The following RYR3 variants were observed in gnomAD, a reference collection of about 807,000 sequenced individuals.
RYR3 encodes the protein ryanodine receptor 3.
Under a neutral mutation model 584.3 loss-of-function variants are expected in RYR3, and 207 were observed. The ratio of observed to expected loss-of-function variants is 0.35; its 90% confidence interval spans 0.32 to 0.40. The LOEUF is 0.40. Ranked by LOEUF, RYR3 falls within the 10% of genes least tolerant of loss-of-function variation. RYR3 has a pLI of 1.00. For missense variants in RYR3, 5,616 were observed against 6,089.2 expected (o/e 0.92, Z 2.59); for synonymous variants, 2,416 against 2,248.5 (o/e 1.07, Z -2.11).
chr15:33,427,172 G>T (rs2044718412), intron 1 of RYR3, among the ~76,000 whole-genome samples: 2 of 152,182 alleles, frequency 1.3e-5, no homozygotes, highest in South Asian at 2.1e-4. Context: ...ACTGAACAGG[G>T]TATAGAAGTG....
At chr15:33,337,056 CAAA>C (rs71117134) in intron 1 of RYR3, among the ~76,000 whole-genome samples, 138 of 48,966 alleles carry the variant, frequency 2.8e-3, no homozygotes, top group South Asian at 7.7e-3. Flanking sequence ...GACTCCGTCT[CAAA>C]AAAAAAAAAA....
intron 18 of RYR3, among the ~76,000 whole-genome samples, chr15:33,604,840 A>T (rs1055452973): frequency 1.3e-5 from 2 of 152,224 alleles, no homozygotes; most frequent in Non-Finnish European, 2.9e-5. Context: ...GTCTCTGAAG[A>T]AATGATCTGA....
At chr15:33,659,179 A>C (rs1416773602) in intron 32 of RYR3, among the ~76,000 whole-genome samples, 1 of 152,196 alleles carries the variant, frequency 6.6e-6, no homozygotes, top group Non-Finnish European at 1.5e-5. Context: ...CGCCCACCGC[A>C]AAAAGCTACC....
In RYR3 at chr15:33,772,205, A is replaced by C. The variant is rs74005996; in HGVS notation, c.9055+47A>C. On this transcript the variant is annotated intron_variant, in intron 63 of 103. Transcript: ENST00000634891. ...CGTGGATGTATGTGCACATGGCCCC[A>C]GATAGGAGGTGCAGGGCCCATTCAC... is the stretch of plus-strand genomic sequence containing the variant. 4 of 1,260,036 alleles carry C rather than the reference A, an allele frequency of 3.2e-6. No homozygotes were observed. In the East Asian group the frequency reaches 9.5e-5, roughly 30 times the overall value. The allele number at this position is 1,260,036 out of a possible 1,614,324, so 78.1% of individuals were successfully genotyped here. A position where few individuals can be genotyped will look rare whatever the true frequency, so the allele number is the denominator to read the frequency against.
At chr15:33,396,861 C>T (rs1567159418) in intron 1 of RYR3, among the ~76,000 whole-genome samples, 1 of 152,304 alleles carries the variant, frequency 6.6e-6, no homozygotes, top group East Asian at 1.9e-4. Context: ...AGGGCCTTTT[C>T]TCCTTCAACC....
At chr15:33,787,792 T>G (rs1184108689) in intron 66 of RYR3, among the ~76,000 whole-genome samples, 1 of 152,232 alleles carries the variant, frequency 6.6e-6, no homozygotes, top group African/African-American at 2.4e-5. Context: ...AAGCATATAC[T>G]GAGTGCCCGC....
At chr15:33,840,601 A>T (rs541686725) in intron 89 of RYR3, 147 of 586,318 alleles carry the variant, frequency 2.5e-4, no homozygotes, top group Non-Finnish European at 3.9e-4. Flanking sequence ...TGAGTAAGTT[A>T]TAGAAGGGAG....
chr15:33,671,675 G>C (rs908581256), intron 38 of RYR3, among the ~76,000 whole-genome samples: 12 of 152,130 alleles, frequency 7.9e-5, no homozygotes, highest in African/African-American at 2.9e-4. Context: ...CCACAAAAAC[G>C]TGAGTTTAGG....
intron 53 of RYR3, 91 bp from the exon 54 acceptor site, chr15:33,748,023 C>T: frequency 8.1e-7 from 1 of 1,233,106 alleles, no homozygotes; most frequent in Non-Finnish European, 1.2e-6. Context: ...GCACCCCCAC[C>T]CACAGTGGGA....
intron 18 of RYR3, among the ~76,000 whole-genome samples, chr15:33,606,565 A>C (rs2059916495): frequency 6.6e-6 from 1 of 152,214 alleles, no homozygotes; most frequent in Non-Finnish European, 1.5e-5. Flanking sequence ...AGTCATTTTC[A>C]GGCATCAGCT....
chr15:33,807,852 A>G, intron 70 of RYR3: 1 of 482,242 alleles, frequency 2.1e-6, no homozygotes, highest in Non-Finnish European at 3.8e-6. Flanking sequence ...GGCAGCCACC[A>G]CACTAACAGA....
At chr15:33,387,742 A>G (rs1474729211) in intron 1 of RYR3, among the ~76,000 whole-genome samples, 3 of 152,090 alleles carry the variant, frequency 2.0e-5, no homozygotes, top group African/African-American at 2.4e-5. Flanking sequence ...CACTGCATCC[A>G]TAGAACAAAA....
chr15:33,690,087 C>T (rs2065306191), intron 38 of RYR3, among the ~76,000 whole-genome samples: 1 of 152,200 alleles, frequency 6.6e-6, no homozygotes, highest in Non-Finnish European at 1.5e-5. Flanking sequence ...GCAAAGCCTT[C>T]TATAGTTGAC....
chr15:33,374,109 A>C (rs765175935), intron 1 of RYR3, among the ~76,000 whole-genome samples: 1 of 152,226 alleles, frequency 6.6e-6, no homozygotes, highest in Non-Finnish European at 1.5e-5. Flanking sequence ...GCAGCTAAAA[A>C]GCAGTGAATT....
chr15:33,704,166 C>T (rs1162416392), intron 42 of RYR3, among the ~76,000 whole-genome samples: 1 of 151,574 alleles, frequency 6.6e-6, no homozygotes, highest in South Asian at 2.1e-4. Context: ...CCCAGCTACT[C>T]AGGAGGCTGA....
In RYR3 at chr15:33,725,976, C is replaced by CCGCCAAAAA. The variant is rs1555427643; in HGVS notation, c.6913-410_6913-409insCGCCAAAAA. Among the ~76,000 whole-genome samples, 2 of 31,516 alleles carry CCGCCAAAAA rather than the reference C, an allele frequency of 6.3e-5. 1 individual carries two copies. The highest frequency in any genetic ancestry group is 1.2e-4 in the Non-Finnish European group (2 of 16,876). The allele number at this position is 31,516 out of a possible 152,430, so 20.7% of individuals were successfully genotyped here. On this transcript the variant is annotated intron_variant, in intron 45 of 103. Transcript: ENST00000634891. ...CAGAGCAAGACTCCATCCCCCCCCC[C>CCGCCAAAAA]AAAAAAAAAAAAAAAAAAAAACAGA...
chr15:33,514,216 T>C (rs1404517787), intron 3 of RYR3, among the ~76,000 whole-genome samples: 1 of 152,204 alleles, frequency 6.6e-6, no homozygotes, highest in African/African-American at 2.4e-5. Context: ...CTTTTGTTTT[T>C]GTTCGAGAGA....
intron 37 of RYR3, among the ~76,000 whole-genome samples, chr15:33,669,843 T>TGGGGGGG (rs35446204): frequency 1.8e-4 from 4 of 22,106 alleles, no homozygotes; most frequent in African/African-American, 2.3e-4. Context: ...TGTGTGTGTG[T>TGGGGGGG]GGGGGGGGGG....
chr15:33,316,428 CA>C (rs781663374), intron 1 of RYR3, among the ~76,000 whole-genome samples: 1 of 152,000 alleles, frequency 6.6e-6, no homozygotes, highest in Non-Finnish European at 1.5e-5. Context: ...CTTAGGAACC[CA>C]ATACTTTAGT....
Sources: allele counts gnomAD v4.1 joint callset (sites outside exome capture counted in the v4.1 genomes callset), GRCh38; gene constraint gnomAD v4.1.1; transcripts MANE v1.5; gene names NCBI Gene and HGNC (gene_info 2026-07-23, HGNC 2026-07-21).